The following TNFSF4 variants were observed in gnomAD, a reference collection of about 807,000 sequenced individuals.
The protein encoded by TNFSF4 is TNF superfamily member 4, also known as tumor necrosis factor ligand superfamily member 4.
TNFSF4 carries 4 observed loss-of-function variants against 7.3 expected under a neutral mutation model. The ratio of observed to expected loss-of-function variants is 0.55; its 90% CI spans 0.27 to 1.25. TNFSF4 has a LOEUF of 1.25. TNFSF4 is among the 50% of genes most tolerant of loss of function. The probability of loss-of-function intolerance (pLI) is 0.12; values close to 1 mark genes in which losing one functional copy is unlikely to be tolerated. For missense variants in TNFSF4, 181 were observed against 208.8 expected, an observed-to-expected ratio of 0.87 and a Z score of 0.82; for synonymous variants, 76 against 83.7, an observed-to-expected ratio of 0.91 and a Z score of 0.50.
At chr1:173,226,324 G>A in the TNFSF4 span, among the ~76,000 whole-genome samples, 2 of 152,178 alleles carry the variant, frequency 1.3e-5, no homozygotes, top group Non-Finnish European at 2.9e-5. Flanking sequence ...GTGGGGGGAT[G>A]TGATATGTAC....
chr1:173,343,228 G>T, the TNFSF4 span, among the ~76,000 whole-genome samples: 1 of 152,142 alleles, frequency 6.6e-6, no homozygotes, highest in Non-Finnish European at 1.5e-5. Flanking sequence ...TATGATAGAA[G>T]ATGATATTTG....
At chr1:173,239,297 G>C in the TNFSF4 span, among the ~76,000 whole-genome samples, 1 of 152,094 alleles carries the variant, frequency 6.6e-6, no homozygotes, top group African/African-American at 2.4e-5. Flanking sequence ...ACTTTCAGAA[G>C]GAAGCAAATA....
the TNFSF4 span, among the ~76,000 whole-genome samples, chr1:173,429,674 G>A: frequency 6.6e-6 from 1 of 152,202 alleles, no homozygotes; most frequent in Non-Finnish European, 1.5e-5. Context: ...GCCGCGTGGT[G>A]GCGCTTTATA....
chr1:173,361,246 G>C, the TNFSF4 span, among the ~76,000 whole-genome samples: 1 of 152,186 alleles, frequency 6.6e-6, no homozygotes, highest in Non-Finnish European at 1.5e-5. Context: ...ATTTGGACCA[G>C]AGCAGAATTG....
the TNFSF4 span, among the ~76,000 whole-genome samples, chr1:173,400,419 T>C: frequency 6.6e-6 from 1 of 152,184 alleles, no homozygotes; most frequent in Non-Finnish European, 1.5e-5. Flanking sequence ...CCTCTTACTG[T>C]TACTCCAGTT....
the TNFSF4 span, among the ~76,000 whole-genome samples, chr1:173,370,948 C>A: frequency 1.8e-4 from 28 of 152,136 alleles, no homozygotes; most frequent in Non-Finnish European, 3.7e-4. Flanking sequence ...CAAGCCACCC[C>A]CTCATCCACG....
At chr1:173,296,477 TA>T in the TNFSF4 span, among the ~76,000 whole-genome samples, 1 of 151,942 alleles carries the variant, frequency 6.6e-6, no homozygotes. Context: ...AGAGTTTTCA[TA>T]GTAATCTAAA....
chr1:173,208,375 G>T (rs971293212), upstream of TNFSF4, among the ~76,000 whole-genome samples: 1 of 152,136 alleles, frequency 6.6e-6, no homozygotes, highest in African/African-American at 2.4e-5. Context: ...GATATGTAAA[G>T]AAAGGAGGGA....
chr1:173,255,792 C>T, the TNFSF4 span, among the ~76,000 whole-genome samples: 6 of 152,180 alleles, frequency 3.9e-5, no homozygotes, highest in African/African-American at 9.7e-5. Flanking sequence ...CTTACTTCAT[C>T]GTCACAATCT....
At chr1:173,331,183 C>G in the TNFSF4 span, among the ~76,000 whole-genome samples, 1 of 152,170 alleles carries the variant, frequency 6.6e-6, no homozygotes, top group Non-Finnish European at 1.5e-5. Flanking sequence ...CTGCACCCAG[C>G]CTTCTTTCCT....
the TNFSF4 span, among the ~76,000 whole-genome samples, chr1:173,320,905 A>G: frequency 2.6e-5 from 4 of 152,238 alleles, no homozygotes; most frequent in Non-Finnish European, 5.9e-5. Flanking sequence ...ATGCTGCCCA[A>G]AGTAATTTAT....
At chr1:173,414,186 G>A in the TNFSF4 span, among the ~76,000 whole-genome samples, 6 of 152,128 alleles carry the variant, frequency 3.9e-5, no homozygotes, top group Admixed American at 3.9e-4. Context: ...TCACAGTTCT[G>A]GAAGTAAGAA....
chr1:173,194,743 A>T (rs895792710), intron 1 of TNFSF4, among the ~76,000 whole-genome samples: 1 of 151,916 alleles, frequency 6.6e-6, no homozygotes, highest in Non-Finnish European at 1.5e-5. Context: ...AATAATAAAA[A>T]AAATAGCTGG....
At chr1:173,200,646 G>A (rs1649905138) in intron 1 of TNFSF4, among the ~76,000 whole-genome samples, 1 of 152,072 alleles carries the variant, frequency 6.6e-6, no homozygotes, top group Non-Finnish European at 1.5e-5. Flanking sequence ...ATGTTTTGAT[G>A]TTCTTTATCA....
At chr1:173,399,125 C>T in the TNFSF4 span, among the ~76,000 whole-genome samples, 8,962 of 152,106 alleles carry the variant, frequency 0.059, 865 homozygotes, top group African/African-American at 0.2. Flanking sequence ...CATCATCAGA[C>T]GGGGTGATGT....
the TNFSF4 span, among the ~76,000 whole-genome samples, chr1:173,277,197 G>C: frequency 6.6e-6 from 1 of 152,168 alleles, no homozygotes; most frequent in Admixed American, 6.6e-5. Flanking sequence ...ACAGAAACCT[G>C]TCTGGGGTGA....
At chr1:173,176,058 C>G in the TNFSF4 span, among the ~76,000 whole-genome samples, 2 of 152,130 alleles carry the variant, frequency 1.3e-5, no homozygotes, top group Non-Finnish European at 2.9e-5. Context: ...GCTACAGCTT[C>G]CTTATATCCT....
chr1:173,422,866 G>T, the TNFSF4 span, among the ~76,000 whole-genome samples: 1 of 152,144 alleles, frequency 6.6e-6, no homozygotes, highest in East Asian at 1.9e-4. Flanking sequence ...GGAGTAAGAC[G>T]GTGGACACCA....
At chr1:173,367,800 C>A in the TNFSF4 span, among the ~76,000 whole-genome samples, 3 of 152,116 alleles carry the variant, frequency 2.0e-5, no homozygotes, top group Non-Finnish European at 2.9e-5. Context: ...TGGAATAAAA[C>A]CCTAATGTGG....
Sources: allele counts gnomAD v4.1 joint callset (sites outside exome capture counted in the v4.1 genomes callset), GRCh38; gene constraint gnomAD v4.1.1; transcripts MANE v1.5; gene names NCBI Gene and HGNC (gene_info 2026-07-23, HGNC 2026-07-21).